TTC28: variants seen among roughly 807,000 people sequenced by gnomAD.
TTC28 encodes tetratricopeptide repeat protein 28.
TTC28 carries 61 observed loss-of-function variants against 198.0 expected under a neutral mutation model. The ratio of observed to expected loss-of-function variants is 0.31; its 90% CI spans 0.25 to 0.38. The LOEUF is 0.38. Among genes scored for constraint, TTC28 ranks in the 10% least tolerant of loss-of-function variants. The pLI is 1.00. For synonymous variants in TTC28, 1,171 were observed against 1,297.8 expected (o/e 0.90, Z 2.10); for missense variants, 2,678 against 3,164.0 (o/e 0.85, Z 3.69).
rs932577982 is a variant in TTC28 at position 27,996,443 on chromosome 22, T to TC, written c.5120-185dup. 6.4e-6 allele frequency: 5 copies of TC among 783,136 alleles called. No homozygotes were observed. In the African/African-American group the frequency reaches 8.7e-5, roughly 14 times the overall value. 48.5% of individuals were successfully genotyped at this position (783,136 alleles called of 1,614,324 possible). Reference sequence around the variant, plus strand: ...TGGATGGTGATGTGGCACCCTTTTGTCCCCTTCCTTTTAAGAATCAATATT... The same window carrying TC: ...TGGATGGTGATGTGGCACCCTTTTGTCCCCCTTCCTTTTAAGAATCAATATT... On this transcript the variant is annotated intron_variant, in intron 16 of 22. Coordinates refer to ENST00000397906, the MANE Select transcript of TTC28 (RefSeq NM_001145418.2).
chr22:28,603,990 T>C (rs980591599), intron 2 of TTC28, among the ~76,000 whole-genome samples: 2 of 152,026 alleles, frequency 1.3e-5, no homozygotes, highest in African/African-American at 2.4e-5. Flanking sequence ...GAAAAAACTG[T>C]TTCTTGGCCG....
At chr22:28,321,815 TCA>T (rs1286599669) in intron 2 of TTC28, among the ~76,000 whole-genome samples, 1 of 152,136 alleles carries the variant, frequency 6.6e-6, no homozygotes, top group Non-Finnish European at 1.5e-5. Context: ...AAAATAGGTA[TCA>T]CGTTTGGGCC....
chr22:28,599,702 T>C (rs1307159544), intron 2 of TTC28, among the ~76,000 whole-genome samples: 2 of 152,138 alleles, frequency 1.3e-5, no homozygotes, highest in Non-Finnish European at 2.9e-5. Context: ...ACCATGTCAA[T>C]TAGAAGAAGG....
chr22:28,012,712 A>C (rs975795607), intron 14 of TTC28, among the ~76,000 whole-genome samples: 1 of 151,996 alleles, frequency 6.6e-6, no homozygotes, highest in East Asian at 1.9e-4. Flanking sequence ...AGGTCTCACT[A>C]TGTTGCCCAG....
chr22:28,400,828 T>A (rs1405771473), intron 2 of TTC28, among the ~76,000 whole-genome samples: 1 of 152,234 alleles, frequency 6.6e-6, no homozygotes, highest in Non-Finnish European at 1.5e-5. Flanking sequence ...AATGCATTTC[T>A]AGTATTATTA....
At chr22:28,537,306 A>ATAACATAACATAACATAACATAACATAAC in intron 2 of TTC28, among the ~76,000 whole-genome samples, 1 of 121,136 alleles carries the variant, frequency 8.3e-6, no homozygotes. Context: ...AATAAAATAA[A>ATAACATAACATAACATAACATAACATAAC]ATAAAATAAA....
chr22:28,592,556 T>C lies in TTC28; in HGVS notation c.381+36996A>G, dbSNP rs5762707. On this transcript the variant is annotated intron_variant, in intron 2 of 22. Coordinates refer to ENST00000397906, the MANE Select transcript of TTC28 (RefSeq NM_001145418.2). The stretch of plus-strand genomic sequence containing the variant: ...GATAAACTTCTCTTCATTTATATGA[T>C]TGGTTACGTCACAAGATATCTCTGC... Among the ~76,000 whole-genome samples the C allele has an allele frequency of 1.6e-4, 25 of 152,264 alleles. No individual in the cohort carries two copies. In the East Asian group the frequency reaches 4.0e-3, roughly 25 times the overall value.
chr22:28,347,168 G>A (rs1291448770), intron 2 of TTC28, among the ~76,000 whole-genome samples: 3 of 151,780 alleles, frequency 2.0e-5, no homozygotes, highest in Non-Finnish European at 4.4e-5. Flanking sequence ...GGAGGCTGAG[G>A]TGGGAGAATT....
rs8140238 is a variant in TTC28, at chr22:28,396,595, C to A, written c.382-89952G>T. Among the ~76,000 whole-genome samples the A allele has an allele frequency of 5.0e-3, 759 of 152,280 alleles. 4 individuals carry two copies. Among genetic ancestry groups the A allele is most frequent in the African/African-American group, 0.017 (726 of 41,550 alleles). ...TTTAACATTGGTGCTCCCAAGGGAA[C>A]CTTTACTTCCAAGCATTACTATTCT... On this transcript the variant is annotated intron_variant, in intron 2 of 22. Transcript: ENST00000397906.
At chr22:28,331,579 A>T (rs973408974) in intron 2 of TTC28, among the ~76,000 whole-genome samples, 5 of 152,104 alleles carry the variant, frequency 3.3e-5, no homozygotes, top group Non-Finnish European at 7.4e-5. Flanking sequence ...TCTATCCATC[A>T]ATAAATATTT....
At chr22:28,530,598 A>G (rs992348565) in intron 2 of TTC28, among the ~76,000 whole-genome samples, 11 of 152,306 alleles carry the variant, frequency 7.2e-5, no homozygotes, top group Admixed American at 1.3e-4. Flanking sequence ...ACTCTAAGAC[A>G]CGTAATTGTC....
intron 14 of TTC28, 91 bp downstream of exon 14, chr22:28,014,156 AT>A: frequency 7.0e-7 from 1 of 1,420,302 alleles, no homozygotes; most frequent in Non-Finnish European, 9.3e-7. Context: ...TCGGGAGCCC[AT>A]TTTGGTGTCT....
chr22:28,656,911 A>C (rs2051666903), intron 1 of TTC28, among the ~76,000 whole-genome samples: 2 of 152,204 alleles, frequency 1.3e-5, no homozygotes, highest in African/African-American at 4.8e-5. Context: ...TATAATTTAA[A>C]AAAATACAAA....
intron 12 of TTC28, among the ~76,000 whole-genome samples, chr22:28,061,219 T>A (rs1459437726): frequency 1.3e-5 from 2 of 152,232 alleles, no homozygotes; most frequent in African/African-American, 4.8e-5. Flanking sequence ...CTCTTTAGTT[T>A]AATTAGATCC....
rs1418151682 is a variant in TTC28 at position 27,998,862 on chromosome 22, C to T, written c.4797G>A (p.Pro1599=). ...CAGTAAGCAGCAGCTCCTGCAGGGG[C>T]GGGCAGTCCGAGATGCTCTCCCCAT... is the stretch of plus-strand genomic sequence containing the variant. ...ASDGESISDC[P]PLQELLLTAA... Residue 1599 remains proline (P), a synonymous_variant, in exon 16 of 23, where the codon CCG becomes CCA. Transcript: ENST00000397906. 20 of 1,549,982 alleles carry T rather than the reference C, an allele frequency of 1.3e-5. No individual in the cohort carries two copies. Among genetic ancestry groups the T allele is most frequent in the East Asian group, 2.4e-5 (1 of 40,930 alleles).
chr22:28,213,575 A>G (rs916947623), intron 5 of TTC28, among the ~76,000 whole-genome samples: 2 of 112,614 alleles, frequency 1.8e-5, no homozygotes, highest in African/African-American at 7.2e-5. Context: ...CTTACAAGGG[A>G]TGTGAAGGAC....
chr22:27,985,366 C>CAAAG lies in TTC28; in HGVS notation c.5708-14_5708-11dup. On this transcript the variant is annotated splice_polypyrimidine_tract_variant and intron_variant, in intron 21 of 22. Coordinates refer to ENST00000397906, the MANE Select transcript of TTC28 (RefSeq NM_001145418.2). The stretch of plus-strand genomic sequence containing the variant: ...TCACAGAGATCAAAACCTAGAGGAA[C>CAAAG]AAAGAATATAAGCATCTGCTTCCTT... The CAAAG allele has an allele frequency of 6.5e-7, 1 of 1,545,112 alleles. No homozygotes were observed. Among genetic ancestry groups the CAAAG allele is most frequent in the Non-Finnish European group, 8.8e-7 (1 of 1,141,360 alleles).
chr22:28,183,226 A>G (rs1923875111), intron 5 of TTC28, among the ~76,000 whole-genome samples: 1 of 151,914 alleles, frequency 6.6e-6, no homozygotes, highest in South Asian at 2.1e-4. Flanking sequence ...TGCCAAGCTA[A>G]TATTTTTATT....
intron 2 of TTC28, among the ~76,000 whole-genome samples, chr22:28,387,647 G>C (rs2046632823): frequency 6.6e-6 from 1 of 152,160 alleles, no homozygotes; most frequent in South Asian, 2.1e-4. Flanking sequence ...GTCTTCTTTT[G>C]AGAAGTGTCT....
Sources: allele counts gnomAD v4.1 joint callset (sites outside exome capture counted in the v4.1 genomes callset), GRCh38; gene constraint gnomAD v4.1.1; transcripts MANE v1.5; gene names NCBI Gene and HGNC (gene_info 2026-07-23, HGNC 2026-07-21).